Variants in NTPCR observed in about 807,000 individuals in gnomAD.
The protein encoded by NTPCR is nucleoside-triphosphatase, cancer-related, also known as cancer-related nucleoside-triphosphatase.
In NTPCR, 15 loss-of-function variants were observed where a neutral mutation model predicts 19.5. The ratio of observed to expected loss-of-function variants is 0.77; its 90% CI spans 0.51 to 1.18. NTPCR has a LOEUF of 1.18. Among genes scored for constraint, NTPCR ranks in the 50% most tolerant of loss-of-function variants. NTPCR has a pLI of 0.00. For missense variants in NTPCR, 206 were observed against 240.4 expected (o/e 0.86, Z 0.95); for synonymous variants, 90 against 95.8 (o/e 0.94, Z 0.36).
rs549729739 is a variant in NTPCR, at chr1:232,978,100, C to T, written c.505-63C>T. 3 of 1,413,726 alleles carry T rather than the reference C, an allele frequency of 2.1e-6. No homozygotes were observed. In the South Asian group the frequency reaches 3.5e-5, roughly 17 times the overall value. The allele number at this position is 1,413,726 out of a possible 1,614,324, so 87.6% of individuals were successfully genotyped here. Reference sequence around the variant, plus strand: ...CCAGGCGTTTCTTTTAGAGAGTTACCTAGCACAAGATTGAAGAAGAGGAAA... The same window carrying T: ...CCAGGCGTTTCTTTTAGAGAGTTACTTAGCACAAGATTGAAGAAGAGGAAA... On this transcript the variant is annotated intron_variant, in intron 4 of 4. Coordinates refer to ENST00000366628, the MANE Select transcript of NTPCR (RefSeq NM_032324.3).
intron 3 of NTPCR, chr1:232,965,881 C>G (rs1668803151): frequency 6.6e-6 from 1 of 152,242 alleles, no homozygotes; most frequent in Admixed American, 6.6e-5. Flanking sequence ...CCAGGAAGAG[C>G]CTCAGAGCTA....
Position 232,982,984 on chromosome 1 carries a change from C to T in NTPCR, c.*4753C>T, listed in dbSNP as rs1424393489. 6.6e-6 allele frequency: 1 copy of T among 152,236 alleles called. No homozygotes were observed. The highest frequency in any genetic ancestry group is 1.5e-5 in the Non-Finnish European group (1 of 68,014). The allele number at this position is 152,236 out of a possible 1,614,324, so 9.4% of individuals were successfully genotyped here. A position where few individuals can be genotyped will look rare whatever the true frequency, so the allele number is the denominator to read the frequency against. On this transcript the variant is annotated 3_prime_UTR_variant, in exon 5 of 5. Coordinates refer to ENST00000366628, the MANE Select transcript of NTPCR (RefSeq NM_032324.3). ...TTTAAATTAAATAAAGTTTGCACCT[C>T]TAGGGAGTGCTGACCTGAAAATAAG...
At chr1:232,977,516 A>T (rs1325533905) in intron 4 of NTPCR, 2 of 152,058 alleles carry the variant, frequency 1.3e-5, no homozygotes, top group African/African-American at 4.8e-5. Flanking sequence ...AAATAAACAG[A>T]TCATCGGGTA....
intron 3 of NTPCR, chr1:232,968,351 G>A (rs191431422): frequency 1.3e-5 from 2 of 152,352 alleles, no homozygotes; most frequent in African/African-American, 4.8e-5. Flanking sequence ...TAGGAAAATA[G>A]AGTACTGTTT....
intron 3 of NTPCR, among the ~76,000 whole-genome samples, chr1:232,960,298 G>A (rs996874121): frequency 1.5e-4 from 22 of 150,208 alleles, no homozygotes; most frequent in African/African-American, 5.4e-4. Flanking sequence ...CACAACCCAG[G>A]TTCACCTTGC....
At chr1:232,978,061 C>T (rs780381279) in intron 4 of NTPCR, 102 bp from the exon 5 acceptor site, 17 of 932,924 alleles carry the variant, frequency 1.8e-5, no homozygotes, top group Non-Finnish European at 2.7e-5. Context: ...CATACCTCAC[C>T]CTCTCCCAGC....
At chr1:232,976,248 G>A (rs1029683578) in intron 4 of NTPCR, 3 of 1,389,094 alleles carry the variant, frequency 2.2e-6, no homozygotes, top group Admixed American at 3.3e-5. Flanking sequence ...TTCCATATCT[G>A]TCACTTTAAA....
At chr1:232,952,772 G>A (rs1473883968) in intron 1 of NTPCR, among the ~76,000 whole-genome samples, 1 of 151,368 alleles carries the variant, frequency 6.6e-6, no homozygotes, top group Admixed American at 6.6e-5. Context: ...TTCTCAATAT[G>A]TTCAGACCAT....
chr1:232,971,260 C>T (rs1668968231), intron 4 of NTPCR, among the ~76,000 whole-genome samples: 1 of 152,186 alleles, frequency 6.6e-6, no homozygotes, highest in Non-Finnish European at 1.5e-5. Flanking sequence ...TTTAAAAGCT[C>T]CCTGGCCCTG....
rs1669294943 is a variant in NTPCR at position 232,981,884 on chromosome 1, A to T, written c.*3653A>T. 6.6e-6 allele frequency: 1 copy of T among 151,724 alleles called. No homozygotes were observed. The highest frequency in any genetic ancestry group is 2.4e-5 in the African/African-American group (1 of 41,358). The allele number at this position is 151,724 out of a possible 1,614,324, so 9.4% of individuals were successfully genotyped here. A position where few individuals can be genotyped will look rare whatever the true frequency, so the allele number is the denominator to read the frequency against. On this transcript the variant is annotated 3_prime_UTR_variant, in exon 5 of 5. Transcript: ENST00000366628. ...AGGCACCCGCCACCACGCCCAGCTAATTTTTTGTATTTTTAGTAGAGACGG... is the reference window on the plus strand; with the variant it reads ...AGGCACCCGCCACCACGCCCAGCTATTTTTTTGTATTTTTAGTAGAGACGG...
chr1:232,957,798 G>T (rs1339129449), intron 3 of NTPCR, among the ~76,000 whole-genome samples: 1 of 152,192 alleles, frequency 6.6e-6, no homozygotes, highest in African/African-American at 2.4e-5. Flanking sequence ...TTAATGCTGT[G>T]AAAGAAAAGA....
intron 3 of NTPCR, chr1:232,967,122 A>T (rs1668842306): frequency 1.3e-5 from 2 of 152,218 alleles, no homozygotes. Context: ...CTATCAATTT[A>T]GAACAATGTA....
chr1:232,974,296 A>G (rs1301490690), intron 4 of NTPCR, among the ~76,000 whole-genome samples: 1 of 152,216 alleles, frequency 6.6e-6, no homozygotes, highest in East Asian at 1.9e-4. Flanking sequence ...TCACAGATGA[A>G]GGAAAACTAA....
chr1:232,970,860 C>T (rs1668956096), intron 4 of NTPCR, among the ~76,000 whole-genome samples: 1 of 152,200 alleles, frequency 6.6e-6, no homozygotes, highest in South Asian at 2.1e-4. Flanking sequence ...CAGTGTGAGG[C>T]TTGCAGAATG....
At chr1:232,955,529 T>TC in intron 1 of NTPCR, 28 bp from the exon 2 acceptor site, 1 of 1,455,956 alleles carries the variant, frequency 6.9e-7, no homozygotes, top group Non-Finnish European at 9.1e-7. Flanking sequence ...GGGCTTTTCT[T>TC]CTTTTTTTTT....
chr1:232,954,430 C>A (rs369458883), intron 1 of NTPCR, among the ~76,000 whole-genome samples: 1 of 152,334 alleles, frequency 6.6e-6, no homozygotes, highest in East Asian at 1.9e-4. Flanking sequence ...TCTGTAGTAT[C>A]TCAAAATAGC....
rs547682056 is a variant in NTPCR, at chr1:232,980,760, C to G, written c.*2529C>G. On this transcript the variant is annotated 3_prime_UTR_variant, in exon 5 of 5. Transcript: ENST00000366628. ...GTGCCGTGGCAGAACTCCACGTGAC[C>G]GTCCCCTCCCTGCACGCAGCCAGGA... The G allele has an allele frequency of 6.6e-6, 1 of 152,108 alleles. No homozygotes were observed. Among genetic ancestry groups the G allele is most frequent in the African/African-American group, 2.4e-5 (1 of 41,370 alleles). 9.4% of individuals were successfully genotyped at this position (152,108 alleles called of 1,614,324 possible).
At chr1:232,973,559 A>T (rs192519449) in intron 4 of NTPCR, among the ~76,000 whole-genome samples, 221 of 152,328 alleles carry the variant, frequency 1.5e-3, no homozygotes, top group African/African-American at 5.1e-3. Context: ...CCTAAACCTG[A>T]GTGAGGAAAG....
At chr1:232,952,156 G>A (rs537498001) in intron 1 of NTPCR, among the ~76,000 whole-genome samples, 2 of 152,206 alleles carry the variant, frequency 1.3e-5, no homozygotes, top group South Asian at 4.2e-4. Flanking sequence ...CAGTATTATG[G>A]CCATGTAAAG....
Sources: allele counts gnomAD v4.1 joint callset (sites outside exome capture counted in the v4.1 genomes callset), GRCh38; gene constraint gnomAD v4.1.1; transcripts MANE v1.5; gene names NCBI Gene and HGNC (gene_info 2026-07-23, HGNC 2026-07-21).